Variants in LCLAT1 observed in about 807,000 individuals in gnomAD.
LCLAT1 encodes lysocardiolipin acyltransferase 1.
Under a neutral mutation model 30.7 loss-of-function variants are expected in LCLAT1, and 11 were observed. That is an observed-to-expected ratio of 0.36 (90% CI 0.23 to 0.59). The LOEUF (loss-of-function observed/expected upper bound fraction) is 0.59, where lower values mean the gene tolerates loss of function less well. Ranked by LOEUF, LCLAT1 falls within the 20% of genes least tolerant of loss-of-function variation. The pLI, the probability that LCLAT1 is intolerant of heterozygous loss-of-function variation, is 0.77. For synonymous variants in LCLAT1, 155 were observed against 151.3 expected (o/e 1.02, Z -0.18); for missense variants, 402 against 458.6 (o/e 0.88, Z 1.13).
At chr2:30,528,688 A>G (rs1173781631) in intron 2 of LCLAT1, among the ~76,000 whole-genome samples, 2 of 152,194 alleles carry the variant, frequency 1.3e-5, no homozygotes, top group Admixed American at 6.5e-5. Flanking sequence ...AATTTCACCT[A>G]TTCCTAACTT....
chr2:30,638,809 C>T (rs1288388514), intron 5 of LCLAT1, among the ~76,000 whole-genome samples: 1 of 92,130 alleles, frequency 1.1e-5, no homozygotes, highest in Non-Finnish European at 1.9e-5. Context: ...GGCCACTGTA[C>T]GGTGTCACAT....
intron 5 of LCLAT1, among the ~76,000 whole-genome samples, chr2:30,630,603 TTA>T (rs1668721467): frequency 6.6e-6 from 1 of 152,248 alleles, no homozygotes; most frequent in African/African-American, 2.4e-5. Flanking sequence ...ATATAAAATT[TTA>T]TGTCTAAATA....
chr2:30,612,119 G>A (rs1869424), intron 5 of LCLAT1, among the ~76,000 whole-genome samples: 129,805 of 152,134 alleles, frequency 0.85, 55,559 homozygotes, highest in East Asian at 0.94. Flanking sequence ...TAGGAAACAA[G>A]TACTTCTACA....
intron 3 of LCLAT1, among the ~76,000 whole-genome samples, chr2:30,557,603 C>T (rs986576241): frequency 6.6e-6 from 1 of 151,670 alleles, no homozygotes; most frequent in Non-Finnish European, 1.5e-5. Flanking sequence ...TTAGTAGAGA[C>T]GGGGTTTCAT....
At chr2:30,449,501 CTT>C (rs1200587860) in intron 1 of LCLAT1, among the ~76,000 whole-genome samples, 38 of 136,820 alleles carry the variant, frequency 2.8e-4, no homozygotes, top group Middle Eastern at 3.9e-3. Flanking sequence ...TGACTAATTT[CTT>C]TTTTTTTTTT....
chr2:30,560,067 G>A (rs1485175550), intron 3 of LCLAT1, among the ~76,000 whole-genome samples: 1 of 152,126 alleles, frequency 6.6e-6, no homozygotes, highest in Non-Finnish European at 1.5e-5. Context: ...ACACTGCTCT[G>A]TGGGCCTAAG....
At chr2:30,615,445 A>G (rs995094908) in intron 5 of LCLAT1, among the ~76,000 whole-genome samples, 1 of 152,164 alleles carries the variant, frequency 6.6e-6, no homozygotes, top group Admixed American at 6.6e-5. Flanking sequence ...TTTTTGAGAA[A>G]AGCAAAGTCA....
intron 2 of LCLAT1, among the ~76,000 whole-genome samples, chr2:30,528,811 T>G (rs1253388441): frequency 6.6e-6 from 1 of 152,252 alleles, no homozygotes; most frequent in African/African-American, 2.4e-5. Flanking sequence ...CTGTTTAGTT[T>G]ACTAGTTACA....
chr2:30,483,972 A>G (rs1456872287), intron 1 of LCLAT1, among the ~76,000 whole-genome samples: 2 of 152,126 alleles, frequency 1.3e-5, no homozygotes, highest in Non-Finnish European at 2.9e-5. Flanking sequence ...TAAAATGAGA[A>G]TGTTGAACTG....
chr2:30,449,274 A>T (rs1231721828), intron 1 of LCLAT1, among the ~76,000 whole-genome samples: 2 of 152,000 alleles, frequency 1.3e-5, no homozygotes, highest in African/African-American at 4.8e-5. Flanking sequence ...TAATATATAT[A>T]TTTTTCTTTT....
chr2:30,605,022 T>G (rs576778097), intron 5 of LCLAT1, among the ~76,000 whole-genome samples: 1 of 152,248 alleles, frequency 6.6e-6, no homozygotes, highest in Non-Finnish European at 1.5e-5. Context: ...TTACATTACA[T>G]GGACCTGTAA....
At chr2:30,454,700 C>T (rs1681736037) in intron 1 of LCLAT1, among the ~76,000 whole-genome samples, 1 of 151,530 alleles carries the variant, frequency 6.6e-6, no homozygotes, top group African/African-American at 2.4e-5. Flanking sequence ...TCTCCCTCTT[C>T]GACCTCCCAA....
chr2:30,633,185 C>G (rs777356117), intron 5 of LCLAT1, among the ~76,000 whole-genome samples: 10 of 152,098 alleles, frequency 6.6e-5, no homozygotes, highest in African/African-American at 2.2e-4. Context: ...GTTTTATCTT[C>G]TTAGAGTAAC....
At chr2:30,528,425 AG>A (rs1685830793) in intron 2 of LCLAT1, among the ~76,000 whole-genome samples, 1 of 152,230 alleles carries the variant, frequency 6.6e-6, no homozygotes, top group Non-Finnish European at 1.5e-5. Context: ...GTAAGGGAAG[AG>A]TGGGCAGAGA....
chr2:30,525,509 T>G (rs1211623787), intron 1 of LCLAT1, 78 bp from the exon 2 acceptor site: 10 of 1,116,820 alleles, frequency 9.0e-6, no homozygotes, highest in Non-Finnish European at 1.3e-5. Context: ...GTGATCATTC[T>G]ATGCTCCATC....
At chr2:30,543,456 G>A (rs1034107666) in intron 3 of LCLAT1, among the ~76,000 whole-genome samples, 3 of 152,116 alleles carry the variant, frequency 2.0e-5, no homozygotes, top group Non-Finnish European at 2.9e-5. Context: ...GAGATGGTCA[G>A]TGTTCTCTCC....
intron 5 of LCLAT1, among the ~76,000 whole-genome samples, chr2:30,628,860 T>C (rs564349355): frequency 6.6e-6 from 1 of 152,246 alleles, no homozygotes; most frequent in South Asian, 2.1e-4. Flanking sequence ...CAGACAAAAC[T>C]AGGAATCCAG....
At chr2:30,532,405 CAAA>C (rs1409102792) in intron 2 of LCLAT1, among the ~76,000 whole-genome samples, 4 of 152,120 alleles carry the variant, frequency 2.6e-5, no homozygotes, top group Non-Finnish European at 5.9e-5. Flanking sequence ...ATTGAGAATT[CAAA>C]GAAGAGTTTG....
chr2:30,638,338 A>G (rs1485095037), intron 5 of LCLAT1, among the ~76,000 whole-genome samples: 1 of 152,218 alleles, frequency 6.6e-6, no homozygotes, highest in South Asian at 2.1e-4. Context: ...TAAATGTGCA[A>G]TCTGATTTTT....
Sources: gnomAD v4.1 joint callset for allele counts (sites outside exome capture counted in the v4.1 genomes callset) on GRCh38, gnomAD v4.1.1 for gene constraint, MANE v1.5 for transcripts, NCBI Gene and HGNC (gene_info 2026-07-23, HGNC 2026-07-21) for gene names.